Variants in UMODL1 observed in about 807,000 individuals in gnomAD.
The protein encoded by UMODL1 is uromodulin like 1, also known as uromodulin-like 1.
In UMODL1, 128 loss-of-function variants were observed where a neutral mutation model predicts 136.3. The observed-to-expected ratio is 0.94, with a 90% CI of 0.81 to 1.09. UMODL1 has a LOEUF of 1.09. Ranked by LOEUF, UMODL1 falls within the 50% of genes least tolerant of loss-of-function variation. UMODL1 has a pLI of 0.00. For missense variants in UMODL1, 1,766 were observed against 1,725.6 expected (o/e 1.02, Z -0.41); for synonymous variants, 721 against 720.0 (o/e 1.00, Z -0.02).
At position 42,111,673 on chromosome 21, in the gene UMODL1, G is replaced by C. The variant is rs2066833736; in HGVS notation, c.2067G>C (p.Leu689Phe). ...CCTCCGGTTCTGTAGACCTGCCATT[G>C]ACCTCCACCCTCACAGCTCTGAAGA... ...SGPSGSVDLP[L>F]TSTLTALKTP... Residue 689 changes from leucine to phenylalanine, a missense_variant, in exon 12 of 23, where the codon TTG becomes TTC. Transcript: ENST00000408910. 6.2e-7 allele frequency: 1 copy of C among 1,613,718 alleles called. No homozygotes were observed. The highest frequency in any genetic ancestry group is 1.7e-5 in the Admixed American group (1 of 59,972).
At chr21:42,113,944 T>C (rs2066871751) in intron 13 of UMODL1, 114 bp downstream of exon 13, 1 of 1,399,244 alleles carries the variant, frequency 7.1e-7, no homozygotes, top group African/African-American at 1.5e-5. Flanking sequence ...GTGTCATTGT[T>C]CTTCTCAGCT....
intron 14 of UMODL1, 54 bp from the exon 15 acceptor site, chr21:42,119,057 G>A: frequency 1.3e-6 from 2 of 1,563,876 alleles, no homozygotes; most frequent in Admixed American, 1.7e-5. Flanking sequence ...CTTGAGACGG[G>A]CATCTGTTTC....
In UMODL1 at chr21:42,137,508, TG is replaced by T. The variant is rs774961641; in HGVS notation, c.3846del (p.Leu1283TrpfsTer9). 2.5e-6 allele frequency: 4 copies of T among 1,614,134 alleles called. No homozygotes were observed. The highest frequency in any genetic ancestry group is 3.4e-6 in the Non-Finnish European group (4 of 1,180,050). On this transcript the variant is annotated frameshift_variant, in exon 22 of 23. Transcript: ENST00000408910. LOFTEE classifies it high-confidence loss of function. ...YVVLIVVAIF[V>X]LVAGTATLLI... ...GTCCTTATTGTGGTGGCCATCTTCG[TG>T]CTGGTGGCGGGAACAGCCACCCTTC... is the stretch of plus-strand genomic sequence containing the variant.
At position 42,085,364 on chromosome 21, in the gene UMODL1, G is replaced by T. The variant is rs771855556; in HGVS notation, c.555G>T (p.Gln185His). The change falls in exon 4 of 23, where the codon CAG (glutamine) becomes CAT (histidine). Residue 185 changes from glutamine (Q) to histidine (H), a missense_variant. By Grantham distance (24) the Gln-to-His change is conservative. Coordinates refer to ENST00000408910, the MANE Select transcript of UMODL1 (RefSeq NM_001004416.3). This position sits in a 1 kb window ranked among gnomAD's most constrained non-coding sequence, Gnocchi z 4.5. ...ILVKMDFKEL[Q>H]QVDPRLLNHM... Reference sequence around the variant, plus strand: ...TGAAAATGGACTTCAAGGAACTCCAGCAAGTGGACCCCAGGCTCCTGAACC... The same window carrying T: ...TGAAAATGGACTTCAAGGAACTCCATCAAGTGGACCCCAGGCTCCTGAACC... The T allele has an allele frequency of 6.2e-7, 1 of 1,614,062 alleles. No homozygotes were observed. Among genetic ancestry groups the T allele is most frequent in the Admixed American group, 1.7e-5 (1 of 60,016 alleles).
At chr21:42,128,108 G>T (rs182487312) in intron 20 of UMODL1, 97 of 558,414 alleles carry the variant, frequency 1.7e-4, no homozygotes, top group African/African-American at 1.5e-3. Flanking sequence ...CGGCTGTCGC[G>T]TCAGCACTGC....
chr21:42,119,708 A>C (rs1270724749), intron 15 of UMODL1, among the ~76,000 whole-genome samples: 3 of 152,232 alleles, frequency 2.0e-5, no homozygotes, highest in Non-Finnish European at 4.4e-5. Context: ...AAAAGCAGGG[A>C]GAAAAAGACA....
chr21:42,138,247 C>A (rs2067235082), intron 22 of UMODL1, among the ~76,000 whole-genome samples: 1 of 152,224 alleles, frequency 6.6e-6, no homozygotes, highest in African/African-American at 2.4e-5. Flanking sequence ...AGAGGCCCCG[C>A]TATGGGGTCT....
rs1016413451 is a variant in UMODL1, at chr21:42,122,320, G to A, written c.2828-511G>A. On this transcript the variant is annotated intron_variant, in intron 16 of 22. Coordinates refer to ENST00000408910, the MANE Select transcript of UMODL1 (RefSeq NM_001004416.3). The surrounding 1 kb of genome is among the most constrained non-coding windows in gnomAD (Gnocchi z 4.3). ...GCATTGAAACTGAACCTGCTCTGGG[G>A]GCAAGAAGGGAGCTGGAGTGGGAAG... Among the ~76,000 whole-genome samples, 1 of 152,138 alleles carries A rather than the reference G, an allele frequency of 6.6e-6. No individual in the cohort carries two copies. Among genetic ancestry groups the A allele is most frequent in the Non-Finnish European group, 1.5e-5 (1 of 68,012 alleles).
intron 21 of UMODL1, among the ~76,000 whole-genome samples, chr21:42,137,187 G>A (rs1322637648): frequency 6.6e-6 from 1 of 152,240 alleles, no homozygotes; most frequent in Admixed American, 6.5e-5. Context: ...CCCACCAGGA[G>A]GACCTGCTGG....
intron 1 of UMODL1, among the ~76,000 whole-genome samples, chr21:42,075,585 ATG>A (rs2066281040): frequency 6.6e-6 from 1 of 152,204 alleles, no homozygotes; most frequent in African/African-American, 2.4e-5. Flanking sequence ...TAAGAGATAG[ATG>A]TGCACGAGAT....
chr21:42,066,744 G>A (rs1472290351), upstream of UMODL1, among the ~76,000 whole-genome samples: 2 of 152,206 alleles, frequency 1.3e-5, no homozygotes, highest in African/African-American at 4.8e-5. Flanking sequence ...AAATGGCACT[G>A]TCAGGGCCTC....
At chr21:42,083,194 T>C (rs960393331) in intron 2 of UMODL1, among the ~76,000 whole-genome samples, 1 of 152,326 alleles carries the variant, frequency 6.6e-6, no homozygotes, top group East Asian at 1.9e-4. Flanking sequence ...CGTCTCCACA[T>C]GGGCGAGCAG....
intron 1 of UMODL1, among the ~76,000 whole-genome samples, chr21:42,063,697 T>C (rs1362776005): frequency 6.6e-6 from 1 of 152,210 alleles, no homozygotes; most frequent in Non-Finnish European, 1.5e-5. Flanking sequence ...GGAGCTATCG[T>C]GAACATTGCT....
chr21:42,125,818 C>G (rs1217804006), intron 17 of UMODL1, among the ~76,000 whole-genome samples: 1 of 152,174 alleles, frequency 6.6e-6, no homozygotes, highest in African/African-American at 2.4e-5. Flanking sequence ...GGACAGCCTG[C>G]CTGGTGCTCA....
chr21:42,109,422 G>T, intron 9 of UMODL1, 140 bp from the exon 10 acceptor site: 2 of 1,128,570 alleles, frequency 1.8e-6, no homozygotes, highest in South Asian at 1.4e-5. Context: ...TGAGAGTGTT[G>T]GACGGATGCC....
chr21:42,106,177 G>A (rs367657469), intron 9 of UMODL1, among the ~76,000 whole-genome samples: 1 of 152,308 alleles, frequency 6.6e-6, no homozygotes. Context: ...GTCTTCGGAC[G>A]CCAGAGTCGG....
intron 22 of UMODL1, among the ~76,000 whole-genome samples, chr21:42,140,890 G>T (rs768013054): frequency 6.6e-6 from 1 of 152,100 alleles, no homozygotes; most frequent in Non-Finnish European, 1.5e-5. Flanking sequence ...CCTCAGTTTG[G>T]TAGCTTTTGG....
chr21:42,071,645 G>A (rs146715006), intron 1 of UMODL1, among the ~76,000 whole-genome samples: 1 of 152,200 alleles, frequency 6.6e-6, no homozygotes, highest in African/African-American at 2.4e-5. Context: ...AATCACCTGG[G>A]CGTTCGTGGG....
chr21:42,137,647 T>C lies in UMODL1; in HGVS notation c.*21+6T>C. ...AGGCGCAGGCTGACAGGAAGGTGGG[T>C]GCGGAGTGGGGTGGGAGGTGCAGGC... On this transcript the variant is annotated splice_donor_region_variant and intron_variant, in intron 22 of 22. Coordinates refer to ENST00000408910, the MANE Select transcript of UMODL1 (RefSeq NM_001004416.3). 1.7e-6 allele frequency: 1 copy of C among 576,656 alleles called. No homozygotes were observed. Among genetic ancestry groups the C allele is most frequent in the African/African-American group, 2.6e-5 (1 of 38,708 alleles). The allele number at this position is 576,656 out of a possible 1,614,324, so 35.7% of individuals were successfully genotyped here.
Sources: allele counts gnomAD v4.1 joint callset (sites outside exome capture counted in the v4.1 genomes callset), GRCh38; gene constraint gnomAD v4.1.1; non-coding constraint Gnocchi (gnomAD v3.1); transcripts MANE v1.5; gene names NCBI Gene and HGNC (gene_info 2026-07-23, HGNC 2026-07-21).